CACNA1A: variants seen among roughly 807,000 people sequenced by gnomAD.
The protein encoded by CACNA1A is calcium voltage-gated channel subunit alpha1 A, also known as voltage-dependent P/Q-type calcium channel subunit alpha-1A.
Under a neutral mutation model 262.4 loss-of-function variants are expected in CACNA1A, and 57 were observed. The ratio of observed to expected loss-of-function variants is 0.22; its 90% CI spans 0.18 to 0.27. The LOEUF (loss-of-function observed/expected upper bound fraction) is 0.27, where lower values mean the gene tolerates loss of function less well. Ranked by LOEUF, CACNA1A falls within the 10% of genes least tolerant of loss-of-function variation. CACNA1A has a pLI of 1.00. For missense variants in CACNA1A, 2,526 were observed against 3,562.8 expected, an observed-to-expected ratio of 0.71 and a Z score of 7.41; for synonymous variants, 1,431 against 1,419.3, an observed-to-expected ratio of 1.01 and a Z score of -0.18.
At chr19:13,395,503 T>C (rs1298958439) in intron 3 of CACNA1A, among the ~76,000 whole-genome samples, 1 of 151,238 alleles carries the variant, frequency 6.6e-6, no homozygotes, top group African/African-American at 2.4e-5. Flanking sequence ...TCCCAGCTAC[T>C]TGGGAGGCTG....
intron 2 of CACNA1A, among the ~76,000 whole-genome samples, chr19:13,454,050 G>A (rs1031285833): frequency 6.6e-6 from 1 of 151,796 alleles, no homozygotes; most frequent in Admixed American, 6.6e-5. Context: ...ATGTCTTTTT[G>A]CAGGCTAAGG....
chr19:13,428,301 G>C (rs2060442470), intron 3 of CACNA1A, among the ~76,000 whole-genome samples: 1 of 152,224 alleles, frequency 6.6e-6, no homozygotes. Context: ...GTAAATGCTA[G>C]TTGTTATTCT....
rs1568456800 is a variant in CACNA1A, at chr19:13,244,910, A to T, written c.4950+272T>A. On this transcript the variant is annotated intron_variant, in intron 31 of 46. Coordinates refer to ENST00000360228, the MANE Select transcript of CACNA1A (RefSeq NM_001127222.2). ...CAGTTCCCTCAGTGTACTCATCTGC[A>T]TTATTAATTCCTAGGCCAGGATGCA... The T allele has an allele frequency of 6.0e-6, 3 of 502,940 alleles. No homozygotes were observed. In the East Asian group the frequency reaches 9.5e-5, roughly 16 times the overall value. The allele number at this position is 502,940 out of a possible 1,614,324, so 31.2% of individuals were successfully genotyped here. A position where few individuals can be genotyped will look rare whatever the true frequency, so the allele number is the denominator to read the frequency against.
rs987494864 is a variant in CACNA1A at position 13,479,395 on chromosome 19, A to G, written c.294-24183T>C. Reference sequence around the variant, plus strand: ...CATGAGGTCACCTGAGAGAAGAACAATGCAGACAGAGGAAACAGCCAGTGC... The same window carrying G: ...CATGAGGTCACCTGAGAGAAGAACAGTGCAGACAGAGGAAACAGCCAGTGC... On this transcript the variant is annotated intron_variant, in intron 1 of 46. Transcript: ENST00000360228. 2.6e-5 allele frequency among the ~76,000 whole-genome samples: 4 copies of G among 152,282 alleles called. No individual in the cohort carries two copies. In the East Asian group the frequency reaches 7.7e-4, roughly 29 times the overall value.
intron 1 of CACNA1A, among the ~76,000 whole-genome samples, chr19:13,498,638 A>G (rs757441195): frequency 1.6e-4 from 25 of 152,224 alleles, no homozygotes; most frequent in Non-Finnish European, 3.1e-4. Context: ...GACTTAACTC[A>G]GGCATTTCCC....
chr19:13,382,956 C>G (rs905109389), intron 3 of CACNA1A, among the ~76,000 whole-genome samples: 8 of 152,138 alleles, frequency 5.3e-5, no homozygotes, highest in Non-Finnish European at 1.0e-4. Context: ...AGTAAGAACT[C>G]GAACCCCAGA....
In CACNA1A at chr19:13,208,838, G is replaced by A. The variant is rs1317740666; in HGVS notation, c.6698C>T (p.Pro2233Leu). ...CCGAGCCCGTGCCCGGCCGTGGTCC[G>A]GCCGTTCCTGGGCATAGCGGTCCTT... ...PDKDRYAQER[P>L]DHGRARARDQ... Residue 2233 changes from proline (P) to leucine (L), a missense_variant, in exon 46 of 47, where the codon CCG becomes CTG. Pro to Leu is a moderately conservative substitution (Grantham distance 98). Transcript: ENST00000360228. 1.1e-5 allele frequency: 17 copies of A among 1,540,012 alleles called. No homozygotes were observed. The highest frequency in any genetic ancestry group is 4.8e-5 in the East Asian group (2 of 41,344).
At chr19:13,210,158 G>A (rs1047722760) in intron 44 of CACNA1A, among the ~76,000 whole-genome samples, 1 of 152,200 alleles carries the variant, frequency 6.6e-6, no homozygotes, top group Admixed American at 6.5e-5. Context: ...GTCAAGCCCT[G>A]ACACACAGGT....
At position 13,242,039 on chromosome 19, in the gene CACNA1A, G is replaced by C. The variant is rs549026316; in HGVS notation, c.4950+3143C>G. Among the ~76,000 whole-genome samples, 11 of 152,220 alleles carry C rather than the reference G, an allele frequency of 7.2e-5. No individual in the cohort carries two copies. In the East Asian group the frequency reaches 1.9e-3, roughly 27 times the overall value. On this transcript the variant is annotated intron_variant, in intron 31 of 46. Coordinates refer to ENST00000360228, the MANE Select transcript of CACNA1A (RefSeq NM_001127222.2). The stretch of plus-strand genomic sequence containing the variant: ...GTGGGCTTACCTGGGAGGCAGAAAG[G>C]GGCAACTGAGACCTCCTTGCCTGCC...
chr19:13,269,326 G>C (rs745589738), intron 24 of CACNA1A, among the ~76,000 whole-genome samples: 3 of 152,234 alleles, frequency 2.0e-5, no homozygotes, highest in Non-Finnish European at 4.4e-5. Flanking sequence ...TAGAGAAAAA[G>C]AGTGACCTGC....
chr19:13,352,383 AAC>A (rs2145215902), intron 6 of CACNA1A, among the ~76,000 whole-genome samples: 1 of 150,558 alleles, frequency 6.6e-6, no homozygotes, highest in South Asian at 2.1e-4. Flanking sequence ...CAGCCTGGGC[AAC>A]AGAGTGAGAC....
intron 1 of CACNA1A, among the ~76,000 whole-genome samples, chr19:13,499,043 A>C (rs978838652): frequency 1.3e-5 from 2 of 152,136 alleles, no homozygotes; most frequent in Non-Finnish European, 2.9e-5. Flanking sequence ...AGGAGAAAGA[A>C]GACCAAAGTT....
Position 13,376,798 on chromosome 19 carries a change from C to T in CACNA1A, c.540-5019G>A, listed in dbSNP as rs1422395650. Among the ~76,000 whole-genome samples, 431 of 128,522 alleles carry T rather than the reference C, an allele frequency of 3.4e-3. 7 individuals carry two copies. The highest frequency in any genetic ancestry group is 0.013 in the African/African-American group (412 of 32,414). The allele number at this position is 128,522 out of a possible 152,430, so 84.3% of individuals were successfully genotyped here. On this transcript the variant is annotated intron_variant, in intron 3 of 46. Transcript: ENST00000360228. ...ACACATAATATATGTGACATATATA[C>T]ACATAATATATGTTATGTGTGATAT...
chr19:13,237,950 G>C (rs541802508), intron 31 of CACNA1A, among the ~76,000 whole-genome samples: 27 of 152,320 alleles, frequency 1.8e-4, no homozygotes, highest in South Asian at 8.3e-4. Context: ...GCCTCAGGAG[G>C]GGGGTTTGGA....
At chr19:13,495,589 C>A (rs906843238) in intron 1 of CACNA1A, among the ~76,000 whole-genome samples, 3 of 152,160 alleles carry the variant, frequency 2.0e-5, no homozygotes, top group African/African-American at 4.8e-5. Flanking sequence ...TTGATTTTTA[C>A]AAAAGTGTGC....
At chr19:13,295,420 G>A (rs1165041524) in intron 19 of CACNA1A, among the ~76,000 whole-genome samples, 1 of 152,086 alleles carries the variant, frequency 6.6e-6, no homozygotes, top group Non-Finnish European at 1.5e-5. Flanking sequence ...GTCCCTCAAA[G>A]AGGTGAAAAA....
intron 31 of CACNA1A, among the ~76,000 whole-genome samples, chr19:13,239,688 G>C (rs2056003047): frequency 6.6e-6 from 1 of 152,202 alleles, no homozygotes; most frequent in Admixed American, 6.5e-5. Flanking sequence ...AACAGAACAA[G>C]GGGTGTGCAA....
At chr19:13,333,040 C>T in intron 8 of CACNA1A, 115 bp from the exon 9 acceptor site, 1 of 731,414 alleles carries the variant, frequency 1.4e-6, no homozygotes, top group Non-Finnish European at 2.3e-6. Flanking sequence ...ATGGTGACAG[C>T]TCAACCGACC....
Position 13,421,152 on chromosome 19 carries a change from G to A in CACNA1A, c.539+31724C>T, listed in dbSNP as rs891927963. On this transcript the variant is annotated intron_variant, in intron 3 of 46. Coordinates refer to ENST00000360228, the MANE Select transcript of CACNA1A (RefSeq NM_001127222.2). ...TCATTTGGTGGTAGAAAAGAAGAGG[G>A]CAACAGGAGCCTGAATCCCTGAGTG... Among the ~76,000 whole-genome samples the A allele has an allele frequency of 9.9e-5, 15 of 152,274 alleles. No homozygotes were observed. The South Asian group carries it at 2.7e-3, about 27-fold the overall frequency.
Sources: gnomAD v4.1 joint callset for allele counts (sites outside exome capture counted in the v4.1 genomes callset) on GRCh38, gnomAD v4.1.1 for gene constraint, MANE v1.5 for transcripts, NCBI Gene and HGNC (gene_info 2026-07-23, HGNC 2026-07-21) for gene names.